The following ATPSCKMT variants were observed in gnomAD, a reference collection of about 807,000 sequenced individuals.
ATPSCKMT encodes ATP synthase c subunit lysine N-methyltransferase.
A neutral mutation model predicts 24.3 loss-of-function variants in ATPSCKMT; 24 were observed. That is an observed-to-expected ratio of 0.99 (90% CI 0.71 to 1.39). The LOEUF is 1.39. ATPSCKMT is among the 40% of genes most tolerant of loss of function. The probability of loss-of-function intolerance (pLI) is 0.00; values close to 1 mark genes in which losing one functional copy is unlikely to be tolerated. For synonymous variants in ATPSCKMT, 95 were observed against 110.5 expected, an observed-to-expected ratio of 0.86 and a Z score of 0.88; for missense variants, 311 against 298.4, an observed-to-expected ratio of 1.04 and a Z score of -0.31.
intron 1 of ATPSCKMT, among the ~76,000 whole-genome samples, chr5:10,247,099 G>C (rs188279570): frequency 1.3e-5 from 2 of 152,312 alleles, no homozygotes; most frequent in African/African-American, 2.4e-5. Context: ...GAAACTTTTT[G>C]AGCAAAGTCA....
chr5:10,247,316 T>A (rs1579436347), intron 1 of ATPSCKMT, among the ~76,000 whole-genome samples: 1 of 152,248 alleles, frequency 6.6e-6, no homozygotes, highest in African/African-American at 2.4e-5. Flanking sequence ...ATATAGGAAC[T>A]ACATTGTTAG....
At chr5:10,232,039 C>T (rs893319241) in intron 4 of ATPSCKMT, among the ~76,000 whole-genome samples, 7 of 152,008 alleles carry the variant, frequency 4.6e-5, no homozygotes, top group Non-Finnish European at 7.4e-5. Flanking sequence ...TCTGTCCCTG[C>T]GAAAACTAAA....
At chr5:10,227,739 T>A in intron 4 of ATPSCKMT, 92 bp from the exon 5 acceptor site, 1 of 1,176,102 alleles carries the variant, frequency 8.5e-7, no homozygotes, top group Non-Finnish European at 1.2e-6. Flanking sequence ...TGAAAATACC[T>A]GAGCAAAAAT....
chr5:10,244,875 T>C (rs1256641568), intron 1 of ATPSCKMT, among the ~76,000 whole-genome samples: 1 of 149,202 alleles, frequency 6.7e-6, no homozygotes, highest in Admixed American at 6.8e-5. Flanking sequence ...ACCATTACAT[T>C]CCAGCCTGGA....
Position 10,226,004 on chromosome 5 carries a change from A to T in ATPSCKMT, c.*1437T>A, listed in dbSNP as rs1448656155. On this transcript the variant is annotated 3_prime_UTR_variant, in exon 5 of 5. Coordinates refer to ENST00000511437, the MANE Select transcript of ATPSCKMT (RefSeq NM_199133.4). ...GAAAGAACTCATTCTTCATAAGAAG[A>T]CTGGAGCTACTGAAAAAGGGACAGA... Among the ~76,000 whole-genome samples the T allele has an allele frequency of 1.3e-5, 2 of 152,206 alleles. No homozygotes were observed. The highest frequency in any genetic ancestry group is 4.8e-5 in the African/African-American group (2 of 41,432).
intron 3 of ATPSCKMT, 99 bp from the exon 4 acceptor site, chr5:10,235,360 C>T: frequency 9.6e-7 from 1 of 1,046,204 alleles, no homozygotes; most frequent in South Asian, 1.4e-5. Flanking sequence ...TCCATTTTAC[C>T]AAACGGTGGG....
chr5:10,228,551 T>C (rs1743985583), intron 4 of ATPSCKMT, among the ~76,000 whole-genome samples: 1 of 152,200 alleles, frequency 6.6e-6, no homozygotes, highest in African/African-American at 2.4e-5. Flanking sequence ...TATTACCACC[T>C]TCACCACCTT....
At position 10,239,315 on chromosome 5, in the gene ATPSCKMT, G is replaced by A. The variant is rs745646661; in HGVS notation, c.58C>T (p.His20Tyr). The stretch of plus-strand genomic sequence containing the variant: ...ACTTCAAAACTTGCAGGTAGAACAT[G>A]TCTTGACTGACTTTCTTCTTTAAGT... ...ETLKEESQSRHVLPASFEVNS... is the reference protein window; with the variant it reads ...ETLKEESQSRYVLPASFEVNS... Residue 20 changes from histidine (H) to tyrosine (Y), a missense_variant, in exon 2 of 5, where the codon CAT (histidine) becomes TAT (tyrosine). His to Tyr is a moderately conservative substitution (Grantham distance 83). Transcript: ENST00000511437. 2 of 1,614,156 alleles carry A rather than the reference G, an allele frequency of 1.2e-6. No individual in the cohort carries two copies. Among genetic ancestry groups the A allele is most frequent in the East Asian group, 4.5e-5 (2 of 44,890 alleles).
chr5:10,247,513 T>A (rs1034583215), intron 1 of ATPSCKMT, among the ~76,000 whole-genome samples: 1 of 152,118 alleles, frequency 6.6e-6, no homozygotes, highest in East Asian at 1.9e-4. Context: ...GCTAATTTTT[T>A]AAATTTTTTT....
At position 10,226,729 on chromosome 5, in the gene ATPSCKMT, C is replaced by T. The variant is rs556793295; in HGVS notation, c.*712G>A. 6.6e-6 allele frequency: 1 copy of T among 152,290 alleles called. No homozygotes were observed. Among genetic ancestry groups the T allele is most frequent in the African/African-American group, 2.4e-5 (1 of 41,558 alleles). The allele number at this position is 152,290 out of a possible 1,614,324, so 9.4% of individuals were successfully genotyped here. ...GGTGCCATGAGTTTTAGAAATTGGT[C>T]CCCACTCCACTGTTATGTGTACCAT... On this transcript the variant is annotated 3_prime_UTR_variant, in exon 5 of 5. Coordinates refer to ENST00000511437, the MANE Select transcript of ATPSCKMT (RefSeq NM_199133.4).
intron 4 of ATPSCKMT, among the ~76,000 whole-genome samples, chr5:10,230,554 C>T (rs1018666123): frequency 2.0e-5 from 3 of 152,168 alleles, no homozygotes; most frequent in Non-Finnish European, 2.9e-5. Flanking sequence ...GAATCTGGTG[C>T]TTGATATCAT....
intron 1 of ATPSCKMT, among the ~76,000 whole-genome samples, chr5:10,246,785 C>T (rs1448725051): frequency 6.6e-6 from 1 of 152,186 alleles, no homozygotes; most frequent in East Asian, 1.9e-4. Flanking sequence ...CACGGCCTCC[C>T]ATCTAGGCAG....
intron 1 of ATPSCKMT, 46 bp from the exon 2 acceptor site, chr5:10,239,402 A>T: frequency 6.6e-7 from 1 of 1,520,010 alleles, no homozygotes; most frequent in South Asian, 1.2e-5. Context: ...ACCAAATCTG[A>T]AATCCAAGAG....
intron 1 of ATPSCKMT, 141 bp downstream of exon 1, chr5:10,249,717 G>T: frequency 7.5e-7 from 1 of 1,336,690 alleles, no homozygotes; most frequent in East Asian, 2.5e-5. Context: ...TCTGGTCACC[G>T]AAGGCCAGGC....
chr5:10,240,826 T>C (rs1744606027), intron 1 of ATPSCKMT, among the ~76,000 whole-genome samples: 1 of 151,540 alleles, frequency 6.6e-6, no homozygotes, highest in Non-Finnish European at 1.5e-5. Context: ...AGAAACCCCA[T>C]CTCTACTAAA....
At position 10,226,864 on chromosome 5, in the gene ATPSCKMT, C is replaced by T. The variant is rs1743903422; in HGVS notation, c.*577G>A. ...GGAATCTGAACCCACGTCAGGCTTACATTTACACATACATGTATACAAATG... is the reference window on the plus strand; with the variant it reads ...GGAATCTGAACCCACGTCAGGCTTATATTTACACATACATGTATACAAATG... On this transcript the variant is annotated 3_prime_UTR_variant, in exon 5 of 5. Transcript: ENST00000511437. 1 of 152,990 alleles carries T rather than the reference C, an allele frequency of 6.5e-6. No homozygotes were observed. The highest frequency in any genetic ancestry group is 1.5e-5 in the Non-Finnish European group (1 of 68,730). The allele number at this position is 152,990 out of a possible 1,614,324, so 9.5% of individuals were successfully genotyped here.
intron 4 of ATPSCKMT, among the ~76,000 whole-genome samples, chr5:10,234,440 T>C (rs2126434774): frequency 6.6e-6 from 1 of 152,320 alleles, no homozygotes; most frequent in East Asian, 1.9e-4. Context: ...AGCACTGAAA[T>C]GTCTTATACA....
chr5:10,236,752 A>ATATAGCTT, intron 2 of ATPSCKMT, 137 bp from the exon 3 acceptor site: 2 of 1,459,854 alleles, frequency 1.4e-6, no homozygotes, highest in Non-Finnish European at 1.8e-6. Context: ...TCATTTTAAA[A>ATATAGCTT]TGTGTCTCTA....
At chr5:10,233,572 T>G (rs1744249546) in intron 4 of ATPSCKMT, among the ~76,000 whole-genome samples, 1 of 150,320 alleles carries the variant, frequency 6.7e-6, no homozygotes, top group South Asian at 2.1e-4. Flanking sequence ...TTATTTCCCC[T>G]GATTGAACAG....
Sources: allele counts gnomAD v4.1 joint callset (sites outside exome capture counted in the v4.1 genomes callset), GRCh38; gene constraint gnomAD v4.1.1; transcripts MANE v1.5; gene names NCBI Gene and HGNC (gene_info 2026-07-23, HGNC 2026-07-21).